The following VMP1 variants were observed in gnomAD, a reference collection of about 807,000 sequenced individuals.
VMP1 encodes ectopic P-granules autophagy protein 3 homolog.
A neutral mutation model predicts 56.0 loss-of-function variants in VMP1; 11 were observed. The observed-to-expected ratio is 0.20, with a 90% CI of 0.12 to 0.32. The LOEUF (loss-of-function observed/expected upper bound fraction) is 0.32. Among genes scored for constraint, VMP1 ranks in the 10% least tolerant of loss-of-function variants. VMP1 has a pLI of 1.00. For missense variants in VMP1, 296 were observed against 490.3 expected, an observed-to-expected ratio of 0.60 and a Z score of 3.74; for synonymous variants, 149 against 165.0, an observed-to-expected ratio of 0.90 and a Z score of 0.74.
At chr17:59,800,131 A>T (rs769623539) in intron 7 of VMP1, among the ~76,000 whole-genome samples, 8 of 152,190 alleles carry the variant, frequency 5.3e-5, no homozygotes, top group Non-Finnish European at 8.8e-5. Context: ...GGTAGAAAAT[A>T]GTTATTAAGG....
At chr17:59,787,839 GTTAA>G (rs889066643) in intron 7 of VMP1, among the ~76,000 whole-genome samples, 11 of 151,934 alleles carry the variant, frequency 7.2e-5, no homozygotes, top group Non-Finnish European at 1.0e-4. Flanking sequence ...TAATTAATTA[GTTAA>G]TTAATTAATT....
chr17:59,839,606 G>A (rs993824733), intron 11 of VMP1, 162 bp from the exon 12 acceptor site: 4 of 797,570 alleles, frequency 5.0e-6, no homozygotes, highest in Non-Finnish European at 7.7e-6. Context: ...GGTGTAAAAA[G>A]GAGAGTAATG....
intron 8 of VMP1, 42 bp downstream of exon 8, chr17:59,808,918 G>T: frequency 6.4e-7 from 1 of 1,553,252 alleles, no homozygotes; most frequent in South Asian, 1.1e-5. Context: ...CTAAGTGGTA[G>T]TGTTATATTT....
chr17:59,745,707 A>G (rs1341842294), intron 5 of VMP1, among the ~76,000 whole-genome samples: 1 of 152,186 alleles, frequency 6.6e-6, no homozygotes, highest in East Asian at 1.9e-4. Context: ...CTCATGTTCT[A>G]TTATGTGCTG....
At chr17:59,711,104 C>A (rs2033913374) in intron 1 of VMP1, among the ~76,000 whole-genome samples, 1 of 149,690 alleles carries the variant, frequency 6.7e-6, no homozygotes, top group African/African-American at 2.5e-5. Flanking sequence ...AAAAGAAAAG[C>A]AGTAGGAGAG....
intron 5 of VMP1, among the ~76,000 whole-genome samples, chr17:59,740,637 A>G (rs1242435169): frequency 2.0e-5 from 3 of 152,310 alleles, no homozygotes; most frequent in Non-Finnish European, 4.4e-5. Flanking sequence ...TTGCTTGGTG[A>G]TTTAACTCAA....
Position 59,747,906 on chromosome 17 carries a change from A to AT in VMP1, c.414+8959_414+8960insT, listed in dbSNP as rs1307382996. Among the ~76,000 whole-genome samples the AT allele has an allele frequency of 1.6e-4, 24 of 151,102 alleles. No homozygotes were observed. The East Asian group carries it at 4.3e-3, about 27-fold the overall frequency. ...CGAAACCCTGTCTCTTAAAAAAAAA[A>AT]GCCTTTCCAGCCAGGCGCGGTGGCT... On this transcript the variant is annotated intron_variant, in intron 5 of 11. Coordinates refer to ENST00000262291, the MANE Select transcript of VMP1 (RefSeq NM_030938.5).
intron 7 of VMP1, among the ~76,000 whole-genome samples, chr17:59,788,201 G>A (rs1215649007): frequency 1.3e-5 from 2 of 152,106 alleles, no homozygotes; most frequent in Non-Finnish European, 2.9e-5. Flanking sequence ...GTAGAAAATA[G>A]TTTTGGGCTT....
chr17:59,754,145 G>A (rs182558925), intron 5 of VMP1, among the ~76,000 whole-genome samples: 1 of 152,008 alleles, frequency 6.6e-6, no homozygotes, highest in African/African-American at 2.4e-5. Context: ...GTTAAAAATT[G>A]TACATTTACC....
At chr17:59,730,107 G>A (rs2034768585) in intron 1 of VMP1, 1 of 152,036 alleles carries the variant, frequency 6.6e-6, no homozygotes, top group South Asian at 2.1e-4. Context: ...TTAGCAATTT[G>A]TGTATCTTTG....
At chr17:59,729,391 G>A (rs1238199248) in intron 1 of VMP1, among the ~76,000 whole-genome samples, 1 of 150,344 alleles carries the variant, frequency 6.7e-6, no homozygotes, top group East Asian at 2.0e-4. Context: ...GCTGAGGCAG[G>A]AGAACCACTT....
rs889490518 is a variant in VMP1, at chr17:59,764,905, T to A, written c.415-66T>A. On this transcript the variant is annotated intron_variant, in intron 5 of 11. Transcript: ENST00000262291. ...TCTTACACAGTAATTAATATATTTT[T>A]AAAATAATGTGTATTGATAATTTTT... The A allele has an allele frequency of 2.3e-5, 28 of 1,211,546 alleles. No homozygotes were observed. In the African/African-American group the frequency reaches 3.0e-4, roughly 13 times the overall value. 75.0% of individuals were successfully genotyped at this position (1,211,546 alleles called of 1,614,324 possible).
chr17:59,726,280 T>C (rs1403698381), intron 1 of VMP1, among the ~76,000 whole-genome samples: 1 of 146,644 alleles, frequency 6.8e-6, no homozygotes, highest in Non-Finnish European at 1.5e-5. Context: ...TGAACACACA[T>C]AGTTTTTTTT....
chr17:59,715,465 CTA>C (rs1338365723), intron 1 of VMP1, among the ~76,000 whole-genome samples: 1 of 152,162 alleles, frequency 6.6e-6, no homozygotes, highest in Non-Finnish European at 1.5e-5. Flanking sequence ...AACTCACTCA[CTA>C]TCATGAGAAC....
chr17:59,725,106 G>A (rs928344141), intron 1 of VMP1, among the ~76,000 whole-genome samples: 14 of 152,248 alleles, frequency 9.2e-5, no homozygotes, highest in African/African-American at 2.9e-4. Context: ...GCAGTGAGCC[G>A]AGATTGTGCC....
chr17:59,800,962 C>T (rs1456050048), intron 7 of VMP1, among the ~76,000 whole-genome samples: 2 of 151,668 alleles, frequency 1.3e-5, no homozygotes, highest in Non-Finnish European at 1.5e-5. Context: ...TGCCTGTAAT[C>T]CCAGCTACTC....
chr17:59,755,142 C>CT (rs1393694521), intron 5 of VMP1, among the ~76,000 whole-genome samples: 2 of 151,650 alleles, frequency 1.3e-5, no homozygotes, highest in African/African-American at 4.8e-5. Context: ...GAGACTCACT[C>CT]TGTCTCCCAG....
chr17:59,716,478 C>A (rs1450328507), intron 1 of VMP1, among the ~76,000 whole-genome samples: 1 of 152,136 alleles, frequency 6.6e-6, no homozygotes, highest in Non-Finnish European at 1.5e-5. Context: ...ATATGTGACT[C>A]TGGAATTCCT....
intron 5 of VMP1, among the ~76,000 whole-genome samples, chr17:59,741,467 A>T (rs982506617): frequency 6.6e-6 from 1 of 152,172 alleles, no homozygotes; most frequent in Non-Finnish European, 1.5e-5. Context: ...GTTTTAAAAG[A>T]TTGCTTGGAA....
Sources: gnomAD v4.1 joint callset for allele counts (sites outside exome capture counted in the v4.1 genomes callset) on GRCh38, gnomAD v4.1.1 for gene constraint, MANE v1.5 for transcripts, NCBI Gene and HGNC (gene_info 2026-07-23, HGNC 2026-07-21) for gene names.